SH2D4B: variants seen among roughly 807,000 people sequenced by gnomAD.
SH2D4B encodes the protein SH2 domain containing 4B, also known as SH2 domain-containing protein 4B.
A neutral mutation model predicts 61.5 loss-of-function variants in SH2D4B; 45 were observed. The ratio of observed to expected loss-of-function variants is 0.73; its 90% CI spans 0.58 to 0.94. The LOEUF (loss-of-function observed/expected upper bound fraction) is 0.94, where lower values mean the gene tolerates loss of function less well. SH2D4B is among the 40% of genes least tolerant of loss of function. SH2D4B has a pLI of 0.00. For missense variants in SH2D4B, 572 were observed against 574.2 expected (o/e 1.00, Z 0.04); for synonymous variants, 224 against 220.4 (o/e 1.02, Z -0.14).
chr10:80,636,242 G>C (rs187729735), intron 7 of SH2D4B, among the ~76,000 whole-genome samples: 2 of 152,146 alleles, frequency 1.3e-5, no homozygotes, highest in Non-Finnish European at 2.9e-5. Flanking sequence ...ATTGTGAATA[G>C]TGCTGCAATA....
At position 80,571,589 on chromosome 10, in the gene SH2D4B, G is replaced by T. The variant is rs1398030696; in HGVS notation, c.495+11G>T. The T allele has an allele frequency of 8.1e-6, 13 of 1,612,904 alleles. No homozygotes were observed. The highest frequency in any genetic ancestry group is 1.7e-5 in the Admixed American group (1 of 59,998). ...CACGAGGAATTCAAGGTGGGCCAGC[G>T]CATGGGGCCCCTGCGTGCGGCCACC... is the stretch of plus-strand genomic sequence containing the variant. On this transcript the variant is annotated intron_variant, in intron 3 of 7. Transcript: ENST00000646907.
intron 4 of SH2D4B, among the ~76,000 whole-genome samples, chr10:80,601,745 A>G (rs1842453871): frequency 1.3e-5 from 2 of 152,244 alleles, no homozygotes; most frequent in South Asian, 4.1e-4. Flanking sequence ...CTTGTGAAGT[A>G]GAAATGCTTT....
intron 1 of SH2D4B, among the ~76,000 whole-genome samples, chr10:80,555,192 A>G (rs1424828759): frequency 6.6e-6 from 1 of 152,158 alleles, no homozygotes; most frequent in African/African-American, 2.4e-5. Context: ...GGTTTTGCTC[A>G]TCAGACTCCT....
At chr10:80,585,779 C>T (rs1426076550) in intron 3 of SH2D4B, among the ~76,000 whole-genome samples, 1 of 152,230 alleles carries the variant, frequency 6.6e-6, no homozygotes, top group Non-Finnish European at 1.5e-5. Flanking sequence ...TTTGGCGGCA[C>T]TTGAGGAGCC....
chr10:80,602,866 CT>C (rs1348375886), intron 4 of SH2D4B, among the ~76,000 whole-genome samples: 1 of 152,130 alleles, frequency 6.6e-6, no homozygotes, highest in African/African-American at 2.4e-5. Context: ...TCGAAGGTAG[CT>C]GCTTGAGTGG....
intron 7 of SH2D4B, among the ~76,000 whole-genome samples, chr10:80,635,273 G>C (rs762000408): frequency 6.6e-6 from 1 of 152,174 alleles, no homozygotes; most frequent in Non-Finnish European, 1.5e-5. Context: ...TCGTGTGGCC[G>C]TTGGCATCAT....
chr10:80,622,480 G>A (rs998571288), intron 6 of SH2D4B, among the ~76,000 whole-genome samples: 1 of 152,218 alleles, frequency 6.6e-6, no homozygotes, highest in Non-Finnish European at 1.5e-5. Flanking sequence ...TAGTTTTTGT[G>A]TAGTGTTCCC....
At chr10:80,575,189 C>G (rs558481662) in intron 3 of SH2D4B, among the ~76,000 whole-genome samples, 7 of 148,628 alleles carry the variant, frequency 4.7e-5, no homozygotes, top group Non-Finnish European at 1.0e-4. Context: ...TGCCTTCTCT[C>G]TCTGGCAAAT....
At chr10:80,609,933 G>C (rs1268720376) in intron 6 of SH2D4B, among the ~76,000 whole-genome samples, 1 of 152,184 alleles carries the variant, frequency 6.6e-6, no homozygotes, top group African/African-American at 2.4e-5. Context: ...GTAGGCTCTG[G>C]GTACATACTT....
chr10:80,602,587 C>T (rs1294534603), intron 4 of SH2D4B, among the ~76,000 whole-genome samples: 1 of 152,138 alleles, frequency 6.6e-6, no homozygotes, highest in Admixed American at 6.5e-5. Context: ...CCCTCCCTGC[C>T]CACACAGTCA....
intron 1 of SH2D4B, among the ~76,000 whole-genome samples, chr10:80,547,890 C>G (rs1564765148): frequency 6.6e-6 from 1 of 152,122 alleles, no homozygotes; most frequent in Non-Finnish European, 1.5e-5. Flanking sequence ...CCAGTTAAGG[C>G]AGCTGGTGAT....
chr10:80,602,560 G>A (rs566810259), intron 4 of SH2D4B, among the ~76,000 whole-genome samples: 2 of 152,270 alleles, frequency 1.3e-5, no homozygotes, highest in East Asian at 3.9e-4. Flanking sequence ...GTTAGAGTTA[G>A]CAGAAGATCC....
intron 3 of SH2D4B, among the ~76,000 whole-genome samples, chr10:80,579,695 C>A (rs539614997): frequency 3.3e-5 from 5 of 151,540 alleles, no homozygotes; most frequent in South Asian, 4.2e-4. Context: ...CAAGGCCACT[C>A]CCTTTTTTTT....
chr10:80,593,017 C>T (rs1345626669), intron 4 of SH2D4B, among the ~76,000 whole-genome samples: 1 of 152,136 alleles, frequency 6.6e-6, no homozygotes, highest in African/African-American at 2.4e-5. Context: ...CCATGCCTGG[C>T]CTGTTTCTGT....
chr10:80,586,828 C>T (rs893593795), intron 3 of SH2D4B, among the ~76,000 whole-genome samples: 7 of 152,174 alleles, frequency 4.6e-5, no homozygotes, highest in Non-Finnish European at 8.8e-5. Flanking sequence ...AGCTGTAACA[C>T]TCATAGTGAA....
intron 7 of SH2D4B, among the ~76,000 whole-genome samples, chr10:80,640,637 A>G (rs1269624725): frequency 1.3e-5 from 2 of 152,216 alleles, no homozygotes; most frequent in African/African-American, 4.8e-5. Flanking sequence ...TTTCAGCTCC[A>G]TCAGGTCATT....
intron 7 of SH2D4B, among the ~76,000 whole-genome samples, chr10:80,634,994 C>G (rs905811448): frequency 8.5e-5 from 13 of 152,206 alleles, no homozygotes; most frequent in African/African-American, 3.1e-4. Context: ...AGCTTAACCA[C>G]TTAGTACATG....
intron 3 of SH2D4B, among the ~76,000 whole-genome samples, chr10:80,575,286 T>C (rs1842111901): frequency 6.6e-6 from 1 of 151,982 alleles, no homozygotes; most frequent in Non-Finnish European, 1.5e-5. Flanking sequence ...GTTGCTATTG[T>C]TTTACTAAAC....
At chr10:80,545,882 G>A (rs537282285) in intron 1 of SH2D4B, among the ~76,000 whole-genome samples, 1 of 152,142 alleles carries the variant, frequency 6.6e-6, no homozygotes, top group Non-Finnish European at 1.5e-5. Flanking sequence ...CAGAATATAT[G>A]TGTGCTTTGG....
Sources: allele counts gnomAD v4.1 joint callset (sites outside exome capture counted in the v4.1 genomes callset), GRCh38; gene constraint gnomAD v4.1.1; transcripts MANE v1.5; gene names NCBI Gene and HGNC (gene_info 2026-07-23, HGNC 2026-07-21).